Variants in ADAM8 observed in about 807,000 individuals in gnomAD.
ADAM8 encodes ADAM metallopeptidase domain 8.
In ADAM8, 104 loss-of-function variants were observed where a neutral mutation model predicts 102.4. The ratio of observed to expected loss-of-function variants is 1.02; its 90% CI spans 0.87 to 1.20. The LOEUF is 1.20. Among genes scored for constraint, ADAM8 ranks in the 50% most tolerant of loss-of-function variants. The probability of loss-of-function intolerance (pLI) is 0.00; values close to 1 mark genes in which losing one functional copy is unlikely to be tolerated. For missense variants in ADAM8, 1,132 were observed against 1,159.0 expected, an observed-to-expected ratio of 0.98 and a Z score of 0.34; for synonymous variants, 517 against 485.2, an observed-to-expected ratio of 1.07 and a Z score of -0.86.
At chr10:133,274,958 G>T in intron 2 of ADAM8, 1 of 401,674 alleles carries the variant, frequency 2.5e-6, no homozygotes. Context: ...GGATGCTGAG[G>T]TAAGGACAGG....
At chr10:133,274,393 A>AGAGGGTG (rs1197990664) in intron 2 of ADAM8, among the ~76,000 whole-genome samples, 158 bp from the exon 3 acceptor site, 11 of 122,062 alleles carry the variant, frequency 9.0e-5, no homozygotes, top group Admixed American at 3.3e-4. Context: ...CAGGCAGGGT[A>AGAGGGTG]GAGGGTGGAG....
At chr10:133,269,835 C>T (rs528303669) in intron 17 of ADAM8, 62 bp downstream of exon 17, 18 of 1,572,274 alleles carry the variant, frequency 1.1e-5, no homozygotes, top group South Asian at 2.2e-5. Context: ...CTGTCCCCAG[C>T]ACCGGCTCCC....
rs577727590 is a variant in ADAM8, at chr10:133,272,948, C to T, written c.636+9G>A. On this transcript the variant is annotated intron_variant, in intron 7 of 22. Coordinates refer to ENST00000445355, the MANE Select transcript of ADAM8 (RefSeq NM_001109.5). Reference sequence around the variant, plus strand: ...GGCTGCTCTCCCACCTTCCCTGCCCCCAACACACCTCTGCATTGTCCACGA... The same window carrying T: ...GGCTGCTCTCCCACCTTCCCTGCCCTCAACACACCTCTGCATTGTCCACGA... 6.6e-5 allele frequency: 107 copies of T among 1,612,886 alleles called. No individual in the cohort carries two copies. Among genetic ancestry groups the T allele is most frequent in the Admixed American group, 1.7e-4 (10 of 60,014 alleles).
intron 1 of ADAM8, chr10:133,275,828 G>A: frequency 2.3e-6 from 1 of 443,042 alleles, no homozygotes; most frequent in Non-Finnish European, 4.0e-6. Flanking sequence ...CAGAGACGCT[G>A]TGGGTGCCAG....
Position 133,272,368 on chromosome 10 carries a change from CGCCCTCCCTCCCCA to C in ADAM8, c.875+34_875+47del, listed in dbSNP as rs1564925483. 4.6e-6 allele frequency: 4 copies of C among 860,694 alleles called. No homozygotes were observed. The Admixed American group carries it at 9.8e-5, about 21-fold the overall frequency. The allele number at this position is 860,694 out of a possible 1,614,324, so 53.3% of individuals were successfully genotyped here. A position where few individuals can be genotyped will look rare whatever the true frequency, so the allele number is the denominator to read the frequency against. On this transcript the variant is annotated intron_variant, in intron 9 of 22. Coordinates refer to ENST00000445355, the MANE Select transcript of ADAM8 (RefSeq NM_001109.5). ...GCTCTCCCTTCCACCCCACCCTGCC[CGCCCTCCCTCCCCA>C]GCCCTCCCCACCCTGCCCGCTCCGC...
At chr10:133,270,121 C>A in intron 16 of ADAM8, 147 bp from the exon 17 acceptor site, 1 of 1,161,836 alleles carries the variant, frequency 8.6e-7, no homozygotes, top group Non-Finnish European at 1.2e-6. Context: ...TGCCTACCCC[C>A]AAAGCCCCTG....
intron 4 of ADAM8, 50 bp downstream of exon 4, chr10:133,273,901 G>A: frequency 6.4e-7 from 1 of 1,556,960 alleles, no homozygotes; most frequent in African/African-American, 1.4e-5. Context: ...GGCTCGGGGA[G>A]GGCCGCCCAG....
Position 133,268,715 on chromosome 10 carries a change from G to A in ADAM8, c.2063+33C>T, listed in dbSNP as rs372217990. 11 of 1,589,136 alleles carry A rather than the reference G, an allele frequency of 6.9e-6. No individual in the cohort carries two copies. The African/African-American group carries it at 9.4e-5, about 14-fold the overall frequency. ...TGGCAGCTGAGCACGGGAAGCACTC[G>A]CCACCCTCCGTCACAGCCCCCACCA... On this transcript the variant is annotated intron_variant, in intron 19 of 22. Transcript: ENST00000445355.
Position 133,262,964 on chromosome 10 carries a change from G to A in ADAM8, c.*192C>T. 1 of 730,424 alleles carries A rather than the reference G, an allele frequency of 1.4e-6. No homozygotes were observed. The highest frequency in any genetic ancestry group is 2.4e-6 in the Non-Finnish European group (1 of 413,574). 45.2% of individuals were successfully genotyped at this position (730,424 alleles called of 1,614,324 possible). A position where few individuals can be genotyped will look rare whatever the true frequency, so the allele number is the denominator to read the frequency against. On this transcript the variant is annotated 3_prime_UTR_variant, in exon 23 of 23. Coordinates refer to ENST00000445355, the MANE Select transcript of ADAM8 (RefSeq NM_001109.5). ...CTGGGGCTACACGTGGCCAAGGCGG[G>A]GAGAAGGAATTGGCTGAGGGCGTGG...
rs372402697 is a variant in ADAM8 at position 133,269,931 on chromosome 10, G to A, written c.1829C>T (p.Ser610Phe). 9 of 1,612,794 alleles carry A rather than the reference G, an allele frequency of 5.6e-6. No homozygotes were observed. Among genetic ancestry groups the A allele is most frequent in the South Asian group, 3.3e-5 (3 of 91,092 alleles). ...GRCQDLHVYR[S>F]SNCSAQCHNH... ...GTGGCACTGGGCAGAGCAGTTGCTGGATCTGTAAACGTGTAAGTCCTGGCA... is the reference window on the plus strand; with the variant it reads ...GTGGCACTGGGCAGAGCAGTTGCTGAATCTGTAAACGTGTAAGTCCTGGCA... Residue 610 changes from serine to phenylalanine, a missense_variant, in exon 17 of 23, where the codon TCC becomes TTC. Coordinates refer to ENST00000445355, the MANE Select transcript of ADAM8 (RefSeq NM_001109.5).
At chr10:133,271,777 C>G (rs1222117090) in intron 11 of ADAM8, 29 bp downstream of exon 11, 1 of 1,604,892 alleles carries the variant, frequency 6.2e-7, no homozygotes, top group Non-Finnish European at 8.5e-7. Flanking sequence ...TCCAGCATAC[C>G]CTGGCTCTGC....
chr10:133,263,512 G>A (rs1846226387), intron 22 of ADAM8, among the ~76,000 whole-genome samples, 176 bp downstream of exon 22: 1 of 138,352 alleles, frequency 7.2e-6, no homozygotes, highest in Non-Finnish European at 1.6e-5. Flanking sequence ...TCACAGCACA[G>A]ATACCACAGT....
Position 133,274,229 on chromosome 10 carries a change from G to A in ADAM8, c.157C>T (p.His53Tyr), listed in dbSNP as rs1379946249. 1.5e-5 allele frequency: 23 copies of A among 1,564,234 alleles called. No individual in the cohort carries two copies. The highest frequency in any genetic ancestry group is 1.6e-5 in the Non-Finnish European group (19 of 1,155,442). The change falls in exon 3 of 23, where the codon CAC becomes TAC. Residue 53 changes from histidine (H) to tyrosine (Y), a missense_variant. His to Tyr is a moderately conservative substitution (Grantham distance 83). Transcript: ENST00000445355. The part of the protein sequence containing the change: ...RRALPSHLGL[H>Y]PERVSYVLGA... Reference sequence around the variant, plus strand: ...AGGACGTAGCTCACCCTCTCTGGGTGCAGGCCCTGAGCGAGGAGGGAAGGG... The same window carrying A: ...AGGACGTAGCTCACCCTCTCTGGGTACAGGCCCTGAGCGAGGAGGGAAGGG...
intron 5 of ADAM8, 158 bp from the exon 6 acceptor site, chr10:133,273,601 C>T: frequency 7.9e-7 from 1 of 1,260,970 alleles, no homozygotes; most frequent in Non-Finnish European, 1.1e-6. Flanking sequence ...GGAGGGTGAG[C>T]CTCTTGGGCT....
intron 1 of ADAM8, among the ~76,000 whole-genome samples, chr10:133,276,491 C>G (rs1311475949): frequency 6.6e-6 from 1 of 152,234 alleles, no homozygotes; most frequent in African/African-American, 2.4e-5. Context: ...GTGAAGCGTC[C>G]TGCTTGGCCC....
Position 133,273,417 on chromosome 10 carries a change from A to C in ADAM8, c.410T>G (p.Leu137Arg). The change falls in exon 6 of 23, where the codon CTG becomes CGG. Residue 137 changes from leucine (L) to arginine (R), a missense_variant. Leu to Arg is a moderately radical substitution (Grantham distance 102, BLOSUM62 -2). Coordinates refer to ENST00000445355, the MANE Select transcript of ADAM8 (RefSeq NM_001109.5). ...LRGFFQVGSD[L>R]HLIEPLDEGG... The stretch of plus-strand genomic sequence containing the variant: ...TTCATCCAGGGGCTCGATCAGGTGC[A>C]GGTCTGACCCCACCTGGAAGAAACC... The C allele has an allele frequency of 1.3e-6, 2 of 1,544,076 alleles. No homozygotes were observed. The highest frequency in any genetic ancestry group is 1.8e-6 in the Non-Finnish European group (2 of 1,142,736).
chr10:133,266,977 GGGAAGCGC>G (rs150129208), intron 21 of ADAM8, among the ~76,000 whole-genome samples: 22,590 of 151,950 alleles, frequency 0.15, 3,545 homozygotes, highest in African/African-American at 0.4. Flanking sequence ...CCAAACCCAA[GGGAAGCGC>G]GGAACGTGTC....
Position 133,271,527 on chromosome 10 carries a change from C to T in ADAM8, c.1284+1G>A, listed in dbSNP as rs1201315668. On this transcript the variant is annotated splice_donor_variant, in intron 12 of 22. Coordinates refer to ENST00000445355, the MANE Select transcript of ADAM8 (RefSeq NM_001109.5). LOFTEE classifies it high-confidence loss of function. ...GGAGCAGGTATGGGGCATGGACGCACCTCGGGGGGGCCGCAGTCGCACTGC... is the reference window on the plus strand; with the variant it reads ...GGAGCAGGTATGGGGCATGGACGCATCTCGGGGGGGCCGCAGTCGCACTGC... 5.2e-6 allele frequency: 8 copies of T among 1,553,186 alleles called. No homozygotes were observed. The South Asian group carries it at 8.3e-5, about 16-fold the overall frequency.
intron 21 of ADAM8, among the ~76,000 whole-genome samples, chr10:133,264,643 A>C (rs1217426468): frequency 6.6e-6 from 1 of 152,114 alleles, no homozygotes; most frequent in African/African-American, 2.4e-5. Context: ...GTTCTGCTGC[A>C]GCCTCTGCCC....
Sources: allele counts gnomAD v4.1 joint callset (sites outside exome capture counted in the v4.1 genomes callset), GRCh38; gene constraint gnomAD v4.1.1; transcripts MANE v1.5; gene names NCBI Gene and HGNC (gene_info 2026-07-23, HGNC 2026-07-21).